Variants in TENM4 observed in about 807,000 individuals in gnomAD.
The protein encoded by TENM4 is teneurin transmembrane protein 4, also known as teneurin-4.
Under a neutral mutation model 243.3 loss-of-function variants are expected in TENM4, and 82 were observed. That is an observed-to-expected ratio of 0.34 (90% CI 0.28 to 0.40). The LOEUF (loss-of-function observed/expected upper bound fraction) is 0.40, where lower values mean the gene tolerates loss of function less well. Among genes scored for constraint, TENM4 ranks in the 10% least tolerant of loss-of-function variants. The pLI, the probability that TENM4 is intolerant of heterozygous loss-of-function variation, is 1.00. For missense variants in TENM4, 3,138 were observed against 3,673.3 expected, an observed-to-expected ratio of 0.85 and a Z score of 3.77; for synonymous variants, 1,412 against 1,456.3, an observed-to-expected ratio of 0.97 and a Z score of 0.69.
intron 3 of TENM4, among the ~76,000 whole-genome samples, chr11:79,155,824 G>C (rs1048193332): frequency 6.6e-6 from 1 of 150,454 alleles, no homozygotes; most frequent in Non-Finnish European, 1.5e-5. Flanking sequence ...TTCTCCCTGA[G>C]ATCTGGGATA....
In TENM4 at chr11:78,732,361, G is replaced by A. The variant is rs369718601; in HGVS notation, c.3093C>T (p.Phe1031=). ...PVVSPSPLTS[F]ASSCAEKGPI... ...GGCCTTTCTCTGCACAGGAGCTGGC[G>A]AAGGACGTCAGTGGGGATGGAGAGA... Residue 1031 remains phenylalanine (F), a synonymous_variant, in exon 21 of 34, where the codon TTC becomes TTT. Coordinates refer to ENST00000278550, the MANE Select transcript of TENM4 (RefSeq NM_001098816.3). 1.1e-5 allele frequency: 17 copies of A among 1,613,612 alleles called. No homozygotes were observed. The African/African-American group carries it at 1.9e-4, about 18-fold the overall frequency.
rs1379255017 is a variant in TENM4, at chr11:78,722,711, T to C, written c.3757A>G (p.Arg1253Gly). The change falls in exon 24 of 34, where the codon AGG becomes GGG. Residue 1253 changes from arginine (R) to glycine (G), a missense_variant. Physicochemically the swap from Arg to Gly is moderately radical, Grantham distance 125. Coordinates refer to ENST00000278550, the MANE Select transcript of TENM4 (RefSeq NM_001098816.3). ...LYVGDFNYIR[R>G]IFPSGNVTNI... Reference sequence around the variant, plus strand: ...GTGACATTTCCAGAGGGGAAGATCCTTCTAATGTAGTTGAAATCACCCACA... The same window carrying C: ...GTGACATTTCCAGAGGGGAAGATCCCTCTAATGTAGTTGAAATCACCCACA... 6.2e-7 allele frequency: 1 copy of C among 1,613,928 alleles called. No individual in the cohort carries two copies. Among genetic ancestry groups the C allele is most frequent in the African/African-American group, 1.3e-5 (1 of 74,956 alleles).
At chr11:79,167,056 C>A (rs1418451989) in intron 3 of TENM4, among the ~76,000 whole-genome samples, 1 of 152,232 alleles carries the variant, frequency 6.6e-6, no homozygotes, top group African/African-American at 2.4e-5. Flanking sequence ...TTTATTCACC[C>A]ATTGAACAAG....
intron 6 of TENM4, among the ~76,000 whole-genome samples, chr11:79,048,468 G>C (rs879645447): frequency 6.6e-6 from 1 of 152,034 alleles, no homozygotes; most frequent in Non-Finnish European, 1.5e-5. Context: ...CCCTGATCCT[G>C]GACCCCACCC....
intron 2 of TENM4, among the ~76,000 whole-genome samples, chr11:79,238,045 C>T (rs1315212500): frequency 6.6e-6 from 1 of 152,186 alleles, no homozygotes; most frequent in Admixed American, 6.5e-5. Context: ...TCATTAACTG[C>T]CCCTCATATG....
chr11:78,784,123 G>T (rs1856889639), intron 16 of TENM4, among the ~76,000 whole-genome samples: 3 of 152,156 alleles, frequency 2.0e-5, no homozygotes, highest in Non-Finnish European at 4.4e-5. Flanking sequence ...CTAGCTACAC[G>T]ATAATGACCT....
At chr11:79,144,278 T>A (rs1591313562) in intron 4 of TENM4, among the ~76,000 whole-genome samples, 1 of 152,030 alleles carries the variant, frequency 6.6e-6, no homozygotes, top group African/African-American at 2.4e-5. Flanking sequence ...TTAAAATGGC[T>A]TTTATCCAAA....
At chr11:79,077,521 C>T (rs551509818) in intron 4 of TENM4, among the ~76,000 whole-genome samples, 18 of 152,178 alleles carry the variant, frequency 1.2e-4, no homozygotes, top group Non-Finnish European at 2.1e-4. Flanking sequence ...TTAACTAAAA[C>T]AAAAATTTCA....
At position 78,712,570 on chromosome 11, in the gene TENM4, C is replaced by G; in HGVS notation, c.3966G>C (p.Ala1322=). 1 of 1,613,998 alleles carries G rather than the reference C, an allele frequency of 6.2e-7. No homozygotes were observed. Among genetic ancestry groups the G allele is most frequent in the Non-Finnish European group, 8.5e-7 (1 of 1,179,898 alleles). The change falls in exon 26 of 34, where the codon GCG becomes GCC. Residue 1322 remains alanine, a synonymous_variant. Coordinates refer to ENST00000278550, the MANE Select transcript of TENM4 (RefSeq NM_001098816.3). ...KDLVKNSEVV[A]GTGDQCLPFD... Reference sequence around the variant, plus strand: ...AGGGGAGGCACTGGTCACCTGTCCCCGCAACCACCTCAGAGTTCTTGACAA... The same window carrying G: ...AGGGGAGGCACTGGTCACCTGTCCCGGCAACCACCTCAGAGTTCTTGACAA...
chr11:78,961,428 C>A lies in TENM4; in HGVS notation c.494-57905G>T, dbSNP rs1471904027. On this transcript the variant is annotated intron_variant, in intron 6 of 33. Transcript: ENST00000278550. ...TCTAACAGCACCTGATCAGGGGATA[C>A]AAGCTGGTCACCCTGGAGCTCTTCT... is the stretch of plus-strand genomic sequence containing the variant. Among the ~76,000 whole-genome samples the A allele has an allele frequency of 2.6e-5, 4 of 152,180 alleles. No homozygotes were observed. In the East Asian group the frequency reaches 5.8e-4, roughly 22 times the overall value.
Position 78,755,217 on chromosome 11 carries a change from T to G in TENM4, c.2756+1588A>C, listed in dbSNP as rs76660560. On this transcript the variant is annotated intron_variant, in intron 19 of 33. Transcript: ENST00000278550. ...TCTTGCTCTGTCACCCAGGCTGGAG[T>G]GCAGTGGGACGGTCTTGGCTCACTG... 3.5e-3 allele frequency among the ~76,000 whole-genome samples: 537 copies of G among 152,136 alleles called. 3 individuals carry two copies. The highest frequency in any genetic ancestry group is 0.012 in the African/African-American group (497 of 41,514).
At chr11:79,170,140 C>T (rs1195595745) in intron 3 of TENM4, among the ~76,000 whole-genome samples, 1 of 151,986 alleles carries the variant, frequency 6.6e-6, no homozygotes, top group Non-Finnish European at 1.5e-5. Context: ...CTAAGGGGAC[C>T]TGGTGGTCTC....
At chr11:79,382,964 G>A (rs1033309639) in intron 1 of TENM4, among the ~76,000 whole-genome samples, 5 of 152,082 alleles carry the variant, frequency 3.3e-5, no homozygotes. Flanking sequence ...GAGCAGGCAC[G>A]CTCTGCCTGT....
In TENM4 at chr11:79,167,333, A is replaced by T. The variant is rs376500218; in HGVS notation, c.-162-18527T>A. ...TCTTATGGCCAGTGGGGACCTGTTG[A>T]AGGGTCTGAGGTAGGACAGAGATGA... is the stretch of plus-strand genomic sequence containing the variant. On this transcript the variant is annotated intron_variant, in intron 3 of 33. Coordinates refer to ENST00000278550, the MANE Select transcript of TENM4 (RefSeq NM_001098816.3). Among the ~76,000 whole-genome samples, 197 of 152,288 alleles carry T rather than the reference A, an allele frequency of 1.3e-3. 2 individuals are homozygous for T. The South Asian group carries it at 0.039, about 30-fold the overall frequency.
At chr11:79,352,601 G>A (rs1237823364) in intron 1 of TENM4, among the ~76,000 whole-genome samples, 4 of 152,212 alleles carry the variant, frequency 2.6e-5, no homozygotes, top group Non-Finnish European at 4.4e-5. Flanking sequence ...AAGATTAGGA[G>A]TGGGACATTC....
chr11:79,381,403 G>A (rs767218074), intron 1 of TENM4, among the ~76,000 whole-genome samples: 3 of 151,526 alleles, frequency 2.0e-5, no homozygotes, highest in Non-Finnish European at 2.9e-5. Context: ...TTTCTAAAAT[G>A]CTCCAAGGCT....
intron 19 of TENM4, among the ~76,000 whole-genome samples, chr11:78,748,365 C>A (rs1856098836): frequency 6.6e-6 from 1 of 152,328 alleles, no homozygotes; most frequent in East Asian, 1.9e-4. Context: ...TAAGGTCACA[C>A]AGCTAGCAAA....
At chr11:79,319,266 T>C (rs781508703) in intron 1 of TENM4, among the ~76,000 whole-genome samples, 2 of 152,208 alleles carry the variant, frequency 1.3e-5, no homozygotes, top group Non-Finnish European at 2.9e-5. Context: ...GTATAGCTAC[T>C]GGTTCATGTA....
At chr11:78,778,327 C>CG (rs60605894) in intron 17 of TENM4, among the ~76,000 whole-genome samples, 64,591 of 120,070 alleles carry the variant, frequency 0.54, 18,985 homozygotes, top group East Asian at 0.85. Context: ...GTATGTGGGG[C>CG]GGGGGGAGGG....
Sources: gnomAD v4.1 joint callset for allele counts (sites outside exome capture counted in the v4.1 genomes callset) on GRCh38, gnomAD v4.1.1 for gene constraint, MANE v1.5 for transcripts, NCBI Gene and HGNC (gene_info 2026-07-23, HGNC 2026-07-21) for gene names.